KIAA0825: variants seen among roughly 807,000 people sequenced by gnomAD.
KIAA0825 encodes the protein uncharacterized protein KIAA0825.
KIAA0825 carries 119 observed loss-of-function variants against 147.6 expected under a neutral mutation model. That is an observed-to-expected ratio of 0.81 (90% CI 0.69 to 0.94). KIAA0825 has a LOEUF of 0.94. KIAA0825 is among the 40% of genes least tolerant of loss of function. KIAA0825 has a pLI of 0.00. For synonymous variants in KIAA0825, 470 were observed against 518.1 expected (o/e 0.91, Z 1.26); for missense variants, 1,381 against 1,472.7 (o/e 0.94, Z 1.02).
chr5:94,153,914 G>C lies in KIAA0825; in HGVS notation c.*93C>G. ...TCAGTCATTGGTTTCATGCTTCACA[G>C]CACATATGAGGTTCATTCTGACTAT... On this transcript the variant is annotated 3_prime_UTR_variant, in exon 21 of 21. Coordinates refer to ENST00000682413, the MANE Select transcript of KIAA0825 (RefSeq NM_001145678.3). 1 of 796,174 alleles carries C rather than the reference G, an allele frequency of 1.3e-6. No homozygotes were observed. The highest frequency in any genetic ancestry group is 2.1e-6 in the Non-Finnish European group (1 of 472,870). The allele number at this position is 796,174 out of a possible 1,614,324, so 49.3% of individuals were successfully genotyped here. A position where few individuals can be genotyped will look rare whatever the true frequency, so the allele number is the denominator to read the frequency against.
chr5:94,191,180 T>C (rs928579227), intron 20 of KIAA0825, among the ~76,000 whole-genome samples: 3 of 152,190 alleles, frequency 2.0e-5, no homozygotes, highest in Non-Finnish European at 2.9e-5. Context: ...CCTCATTATG[T>C]AGAAAAATTG....
intron 20 of KIAA0825, among the ~76,000 whole-genome samples, chr5:94,271,123 C>A (rs1041121547): frequency 6.6e-6 from 1 of 152,116 alleles, no homozygotes; most frequent in African/African-American, 2.4e-5. Context: ...AACAACAAAT[C>A]ACATCAAAAT....
chr5:94,589,974 T>C (rs1784049306), intron 1 of KIAA0825, among the ~76,000 whole-genome samples: 1 of 152,044 alleles, frequency 6.6e-6, no homozygotes, highest in Admixed American at 6.6e-5. Context: ...GGATATGAGG[T>C]AGACTCCAAT....
At chr5:94,551,064 A>T (rs1775445053) in intron 2 of KIAA0825, among the ~76,000 whole-genome samples, 1 of 151,826 alleles carries the variant, frequency 6.6e-6, no homozygotes. Context: ...GAAATCTTAG[A>T]GCTGAAGAAT....
intron 20 of KIAA0825, among the ~76,000 whole-genome samples, chr5:94,369,265 G>C (rs1449814818): frequency 6.6e-6 from 1 of 152,076 alleles, no homozygotes; most frequent in Non-Finnish European, 1.5e-5. Context: ...TTCAAGACTC[G>C]GGGGCACAGA....
At chr5:94,231,098 G>A (rs1774657224) in intron 20 of KIAA0825, among the ~76,000 whole-genome samples, 2 of 152,108 alleles carry the variant, frequency 1.3e-5, no homozygotes, top group African/African-American at 4.8e-5. Flanking sequence ...GAAAAATTCT[G>A]AAATTTTTCC....
chr5:94,287,185 T>C (rs1777696117), intron 20 of KIAA0825, among the ~76,000 whole-genome samples: 1 of 152,202 alleles, frequency 6.6e-6, no homozygotes, highest in Admixed American at 6.5e-5. Context: ...GTAACTATTA[T>C]TAAAACTCTT....
At chr5:94,167,114 C>A (rs1768119233) in intron 20 of KIAA0825, among the ~76,000 whole-genome samples, 1 of 152,124 alleles carries the variant, frequency 6.6e-6, no homozygotes, top group South Asian at 2.1e-4. Context: ...ACGTCAGTTT[C>A]TTCCCTTGAA....
intron 1 of KIAA0825, among the ~76,000 whole-genome samples, chr5:94,583,351 C>A (rs1305270209): frequency 6.6e-6 from 1 of 152,228 alleles, no homozygotes; most frequent in African/African-American, 2.4e-5. Flanking sequence ...CCAGAAGATT[C>A]CCTCTTGTGT....
chr5:94,208,643 G>T (rs1014041535), intron 20 of KIAA0825, among the ~76,000 whole-genome samples: 7 of 152,228 alleles, frequency 4.6e-5, no homozygotes, highest in African/African-American at 1.7e-4. Context: ...CTTCATGTGG[G>T]AGTGAGCATT....
chr5:94,445,465 T>A (rs62364605), intron 13 of KIAA0825, among the ~76,000 whole-genome samples: 34,348 of 152,056 alleles, frequency 0.23, 3,998 homozygotes, highest in Middle Eastern at 0.33. Context: ...AGTAGACTGT[T>A]GGACTACATG....
chr5:94,293,244 A>G (rs1282974285), intron 20 of KIAA0825, among the ~76,000 whole-genome samples: 1 of 152,162 alleles, frequency 6.6e-6, no homozygotes, highest in Non-Finnish European at 1.5e-5. Context: ...TCTTCTGGGC[A>G]TTTAGTGCTA....
At chr5:94,571,711 C>T (rs928849588) in intron 2 of KIAA0825, among the ~76,000 whole-genome samples, 5 of 152,164 alleles carry the variant, frequency 3.3e-5, no homozygotes, top group African/African-American at 1.2e-4. Flanking sequence ...ACAGAGTCAT[C>T]ATGGTGGATG....
chr5:94,248,167 A>T (rs1393048798), intron 20 of KIAA0825, among the ~76,000 whole-genome samples: 1 of 152,184 alleles, frequency 6.6e-6, no homozygotes. Flanking sequence ...AGAGTATCAG[A>T]TAAGAAGCTA....
chr5:94,330,147 G>T (rs1330834937), intron 20 of KIAA0825, among the ~76,000 whole-genome samples: 2 of 151,956 alleles, frequency 1.3e-5, no homozygotes, highest in African/African-American at 4.8e-5. Flanking sequence ...CAATGTGGTA[G>T]TACTAAAAGG....
At chr5:94,476,289 G>A (rs1026575716) in intron 7 of KIAA0825, among the ~76,000 whole-genome samples, 1 of 152,172 alleles carries the variant, frequency 6.6e-6, no homozygotes, top group African/African-American at 2.4e-5. Context: ...TGGAAGATTT[G>A]AGAAGTCAAA....
chr5:94,176,750 C>T (rs1433681015), intron 20 of KIAA0825, among the ~76,000 whole-genome samples: 1 of 152,098 alleles, frequency 6.6e-6, no homozygotes, highest in African/African-American at 2.4e-5. Flanking sequence ...ATGGAATAAA[C>T]ACTTGACCAG....
chr5:94,340,908 T>G (rs1417629532), intron 20 of KIAA0825, among the ~76,000 whole-genome samples: 2 of 152,208 alleles, frequency 1.3e-5, no homozygotes, highest in African/African-American at 4.8e-5. Flanking sequence ...AGGCCTGAGA[T>G]GTATTAATTC....
At chr5:94,387,763 C>A (rs308210) in intron 18 of KIAA0825, among the ~76,000 whole-genome samples, 151,335 of 152,108 alleles carry the variant, frequency 0.99, 75,284 homozygotes, top group East Asian at 1. Flanking sequence ...CGAATGCCAC[C>A]CTCAATGGTT....
Sources: allele counts gnomAD v4.1 joint callset (sites outside exome capture counted in the v4.1 genomes callset), GRCh38; gene constraint gnomAD v4.1.1; transcripts MANE v1.5; gene names NCBI Gene and HGNC (gene_info 2026-07-23, HGNC 2026-07-21).